ERBB4: variants seen among roughly 807,000 people sequenced by gnomAD.
ERBB4 encodes receptor tyrosine-protein kinase erbB-4.
In ERBB4, 42 loss-of-function variants were observed where a neutral mutation model predicts 158.0. The observed-to-expected ratio is 0.27, with a 90% CI of 0.21 to 0.34. The LOEUF (loss-of-function observed/expected upper bound fraction) is 0.34, where lower values mean the gene tolerates loss of function less well. ERBB4 is among the 10% of genes least tolerant of loss of function. ERBB4 has a pLI of 1.00. For synonymous variants in ERBB4, 583 were observed against 558.7 expected, an observed-to-expected ratio of 1.04 and a Z score of -0.61; for missense variants, 1,333 against 1,624.1, an observed-to-expected ratio of 0.82 and a Z score of 3.08.
chr2:212,283,569 C>A (rs2085840816), intron 1 of ERBB4, among the ~76,000 whole-genome samples: 1 of 151,532 alleles, frequency 6.6e-6, no homozygotes, highest in African/African-American at 2.4e-5. Context: ...AATTTTAAAC[C>A]CTAAAATATT....
chr2:211,678,451 G>C (rs6714837), intron 13 of ERBB4, among the ~76,000 whole-genome samples: 70,027 of 151,954 alleles, frequency 0.46, 17,090 homozygotes, highest in African/African-American at 0.57. Flanking sequence ...AAGAAAACTG[G>C]AATATATTTC....
chr2:211,775,734 T>C (rs1342980854), intron 4 of ERBB4, among the ~76,000 whole-genome samples: 3 of 152,224 alleles, frequency 2.0e-5, no homozygotes, highest in Non-Finnish European at 4.4e-5. Flanking sequence ...CATGGCCTTA[T>C]TCAACCAAGC....
chr2:212,347,938 T>C (rs895739724), intron 1 of ERBB4, among the ~76,000 whole-genome samples: 1 of 152,066 alleles, frequency 6.6e-6, no homozygotes, highest in African/African-American at 2.4e-5. Flanking sequence ...GCACCTCCAG[T>C]CCATACAGCT....
chr2:211,763,238 A>G (rs1008013449), intron 4 of ERBB4, among the ~76,000 whole-genome samples: 9 of 152,248 alleles, frequency 5.9e-5, no homozygotes, highest in Non-Finnish European at 1.2e-4. Flanking sequence ...TTTCAACATG[A>G]ACATAAAGAA....
At chr2:212,078,949 A>T (rs1473953242) in intron 2 of ERBB4, among the ~76,000 whole-genome samples, 2 of 151,116 alleles carry the variant, frequency 1.3e-5, no homozygotes, top group Non-Finnish European at 3.0e-5. Context: ...ACTTTTTAAT[A>T]ACTTATTTTT....
chr2:211,787,503 T>A (rs1173799145), intron 4 of ERBB4, among the ~76,000 whole-genome samples: 1 of 152,214 alleles, frequency 6.6e-6, no homozygotes, highest in Non-Finnish European at 1.5e-5. Context: ...TTCTTCTATA[T>A]GAAATCTATA....
At chr2:211,413,309 A>AAAAAAAAAAAAAAAAAAAAC (rs1553524037) in intron 25 of ERBB4, among the ~76,000 whole-genome samples, 4 of 94,558 alleles carry the variant, frequency 4.2e-5, no homozygotes, top group Admixed American at 2.3e-4. Flanking sequence ...CTGTCTTAAA[A>AAAAAAAAAAAAAAAAAAAAC]ACACACACAC....
At chr2:211,993,964 T>C (rs2082137965) in intron 2 of ERBB4, among the ~76,000 whole-genome samples, 1 of 149,824 alleles carries the variant, frequency 6.7e-6, no homozygotes, top group South Asian at 2.1e-4. Context: ...TTATAATTAT[T>C]AGTGTCTTTT....
chr2:212,318,081 T>C (rs1574667879), intron 1 of ERBB4, among the ~76,000 whole-genome samples: 2 of 151,608 alleles, frequency 1.3e-5, no homozygotes, highest in Admixed American at 1.3e-4. Flanking sequence ...TATAATCCTA[T>C]GAAGTAGGTA....
chr2:212,326,870 G>A (rs886545884), intron 1 of ERBB4, among the ~76,000 whole-genome samples: 4 of 151,032 alleles, frequency 2.6e-5, no homozygotes, highest in Admixed American at 2.0e-4. Context: ...TGTAAGGATA[G>A]AGAATGGCTG....
chr2:212,511,152 G>A (rs1320712536), intron 1 of ERBB4, among the ~76,000 whole-genome samples: 9 of 152,088 alleles, frequency 5.9e-5, no homozygotes, highest in Non-Finnish European at 1.5e-5. Context: ...ACATAATATA[G>A]ATGTATAGAA....
At chr2:212,192,106 TTATATATTA>T (rs1390615814) in intron 1 of ERBB4, among the ~76,000 whole-genome samples, 5 of 134,628 alleles carry the variant, frequency 3.7e-5, no homozygotes, top group African/African-American at 1.4e-4. Flanking sequence ...AAGTTATATA[TTATATATTA>T]TATATATTAT....
At chr2:211,773,075 G>A (rs748255355) in intron 4 of ERBB4, among the ~76,000 whole-genome samples, 1 of 149,328 alleles carries the variant, frequency 6.7e-6, no homozygotes, top group Non-Finnish European at 1.5e-5. Flanking sequence ...GAGCCACCAC[G>A]CCTTGTCAAT....
At chr2:212,286,767 A>ATTTTTTTTTTTTG (rs1553611252) in intron 1 of ERBB4, among the ~76,000 whole-genome samples, 1 of 39,562 alleles carries the variant, frequency 2.5e-5, no homozygotes, top group African/African-American at 1.1e-4. Context: ...ATGAGGGTTA[A>ATTTTTTTTTTTTG]TTTTTTTTTT....
chr2:211,429,252 T>C (rs931153442), intron 21 of ERBB4, among the ~76,000 whole-genome samples: 2 of 152,110 alleles, frequency 1.3e-5, no homozygotes, highest in African/African-American at 4.8e-5. Flanking sequence ...CAGACACATT[T>C]TGGGCCACCA....
intron 2 of ERBB4, among the ~76,000 whole-genome samples, chr2:212,048,795 A>G (rs2077324403): frequency 1.3e-5 from 2 of 152,236 alleles, no homozygotes; most frequent in African/African-American, 4.8e-5. Context: ...GCACATACGT[A>G]GTATTTAAAA....
intron 3 of ERBB4, among the ~76,000 whole-genome samples, chr2:211,918,298 G>A (rs553418116): frequency 6.6e-6 from 1 of 152,182 alleles, no homozygotes; most frequent in Admixed American, 6.5e-5. Context: ...AATGGGCAAG[G>A]AACTATAAAA....
chr2:212,396,506 T>C (rs1239552888), intron 1 of ERBB4, among the ~76,000 whole-genome samples: 1 of 152,136 alleles, frequency 6.6e-6, no homozygotes, highest in African/African-American at 2.4e-5. Flanking sequence ...TGATATAGAA[T>C]TACTGTGAGA....
intron 3 of ERBB4, among the ~76,000 whole-genome samples, chr2:211,790,555 A>C (rs2076256854): frequency 1.3e-5 from 2 of 152,070 alleles, no homozygotes; most frequent in Non-Finnish European, 1.5e-5. Flanking sequence ...TCTTAGAAAT[A>C]GTCTGTTCGA....
Sources: gnomAD v4.1 joint callset for allele counts (sites outside exome capture counted in the v4.1 genomes callset) on GRCh38, gnomAD v4.1.1 for gene constraint, MANE v1.5 for transcripts, NCBI Gene and HGNC (gene_info 2026-07-23, HGNC 2026-07-21) for gene names.